The following SLC35F4 variants were observed in gnomAD, a reference collection of about 807,000 sequenced individuals.
SLC35F4 encodes chromosome 14 open reading frame 36.
In SLC35F4, 24 loss-of-function variants were observed where a neutral mutation model predicts 44.2. That is an observed-to-expected ratio of 0.54 (90% CI 0.39 to 0.76). SLC35F4 has a LOEUF of 0.76. Ranked by LOEUF, SLC35F4 falls within the 30% of genes least tolerant of loss-of-function variation. The pLI is 0.00. For synonymous variants in SLC35F4, 238 were observed against 223.6 expected, an observed-to-expected ratio of 1.06 and a Z score of -0.57; for missense variants, 562 against 586.1, an observed-to-expected ratio of 0.96 and a Z score of 0.42.
At chr14:57,662,841 G>A (rs180730889) in intron 1 of SLC35F4, among the ~76,000 whole-genome samples, 21 of 152,130 alleles carry the variant, frequency 1.4e-4, no homozygotes, top group East Asian at 3.9e-4. Flanking sequence ...TCTGAACACC[G>A]AATGAACTGT....
intron 1 of SLC35F4, among the ~76,000 whole-genome samples, chr14:57,779,460 A>G (rs941938483): frequency 1.3e-5 from 2 of 152,096 alleles, no homozygotes; most frequent in East Asian, 1.9e-4. Flanking sequence ...GAAAAGACCA[A>G]TAACAAGCTC....
intron 1 of SLC35F4, among the ~76,000 whole-genome samples, chr14:57,773,572 C>T (rs1956680): frequency 0.28 from 43,240 of 151,776 alleles, 6,749 homozygotes; most frequent in Admixed American, 0.39. Context: ...TTGGCTACAA[C>T]TTTTCCAGTG....
intron 1 of SLC35F4, among the ~76,000 whole-genome samples, chr14:57,763,567 T>C (rs2077172073): frequency 6.6e-6 from 1 of 152,180 alleles, no homozygotes; most frequent in Non-Finnish European, 1.5e-5. Context: ...ATTAAGCTGT[T>C]TTGAGGATTA....
chr14:57,966,518 T>C (rs1374617770), intron 1 of SLC35F4, among the ~76,000 whole-genome samples: 1 of 152,162 alleles, frequency 6.6e-6, no homozygotes, highest in East Asian at 1.9e-4. Context: ...ATTCTGGTTG[T>C]GAATAAATAC....
intron 1 of SLC35F4, among the ~76,000 whole-genome samples, chr14:57,711,599 A>T (rs1695352958): frequency 6.7e-6 from 1 of 148,682 alleles, no homozygotes; most frequent in Admixed American, 6.7e-5. Context: ...TGTTGAAAGA[A>T]CCACCATTTG....
chr14:57,845,632 A>T (rs1885952043), intron 1 of SLC35F4, among the ~76,000 whole-genome samples: 1 of 152,234 alleles, frequency 6.6e-6, no homozygotes, highest in Non-Finnish European at 1.5e-5. Context: ...AAGTTTTAGC[A>T]TAAGCTGAGA....
chr14:57,822,817 C>G (rs537518409), intron 1 of SLC35F4, among the ~76,000 whole-genome samples: 1 of 152,148 alleles, frequency 6.6e-6, no homozygotes, highest in African/African-American at 2.4e-5. Context: ...CTCCACCACT[C>G]TTGTGGCTTT....
intron 1 of SLC35F4, among the ~76,000 whole-genome samples, chr14:57,626,253 T>C (rs1236040033): frequency 1.4e-5 from 2 of 144,662 alleles, no homozygotes; most frequent in African/African-American, 2.5e-5. Flanking sequence ...CAAACTGCCA[T>C]GGCACATGTA....
chr14:57,920,823 A>T (rs974627726), intron 1 of SLC35F4, among the ~76,000 whole-genome samples: 4 of 152,202 alleles, frequency 2.6e-5, no homozygotes, highest in African/African-American at 9.6e-5. Flanking sequence ...TATTTGGAGG[A>T]TCCCTTCCAC....
intron 1 of SLC35F4, among the ~76,000 whole-genome samples, chr14:57,933,717 G>A (rs1023003042): frequency 6.6e-6 from 1 of 152,066 alleles, no homozygotes; most frequent in African/African-American, 2.4e-5. Flanking sequence ...AAATGAAATA[G>A]AACCAAATGG....
chr14:57,628,885 C>A (rs868540154), intron 1 of SLC35F4, among the ~76,000 whole-genome samples: 4 of 151,914 alleles, frequency 2.6e-5, no homozygotes, highest in African/African-American at 7.3e-5. Context: ...CAATTGTATA[C>A]GTAGAAATCA....
chr14:57,625,414 C>T (rs1444249142), intron 1 of SLC35F4, among the ~76,000 whole-genome samples: 4 of 152,166 alleles, frequency 2.6e-5, no homozygotes, highest in Admixed American at 1.3e-4. Flanking sequence ...CCCTATCAAG[C>T]TACCATTGAC....
intron 1 of SLC35F4, among the ~76,000 whole-genome samples, chr14:57,835,426 G>A (rs1031099857): frequency 2.0e-5 from 3 of 152,178 alleles, no homozygotes; most frequent in Non-Finnish European, 4.4e-5. Context: ...TAAATCAACA[G>A]TTTCTAACTC....
intron 1 of SLC35F4, among the ~76,000 whole-genome samples, chr14:57,780,251 T>C (rs2077584565): frequency 6.6e-6 from 1 of 152,030 alleles, no homozygotes. Flanking sequence ...GGATACAAAA[T>C]CAATGTACAA....
rs375652778 is a variant in SLC35F4 at position 57,781,150 on chromosome 14, T to C, written c.103+84573A>G. On this transcript the variant is annotated intron_variant, in intron 1 of 7. Coordinates refer to ENST00000556826, the MANE Select transcript of SLC35F4 (RefSeq NM_001306087.2). ...CAGACAACCTACAGAATGGGAGAAA[T>C]ATTTGCAAGCAATGCATCTGACAAA... Among the ~76,000 whole-genome samples, 163 of 151,958 alleles carry C rather than the reference T, an allele frequency of 1.1e-3. 1 individual carries two copies. The highest frequency in any genetic ancestry group is 3.7e-3 in the African/African-American group (153 of 41,434).
chr14:57,892,232 C>CA (rs1288531910), intron 1 of SLC35F4, among the ~76,000 whole-genome samples: 42 of 152,258 alleles, frequency 2.8e-4, no homozygotes, highest in African/African-American at 9.9e-4. Context: ...ATTGCAATTT[C>CA]ACAATGCCAT....
chr14:57,831,598 T>G (rs767136000), intron 1 of SLC35F4, among the ~76,000 whole-genome samples: 2 of 152,128 alleles, frequency 1.3e-5, no homozygotes, highest in African/African-American at 4.8e-5. Context: ...CAGTAAATAA[T>G]CTATCCTGTG....
intron 1 of SLC35F4, among the ~76,000 whole-genome samples, chr14:57,814,803 G>A (rs1000331090): frequency 2.6e-5 from 4 of 152,170 alleles, no homozygotes; most frequent in African/African-American, 7.2e-5. Flanking sequence ...GTGATGCAGC[G>A]AACATAAATT....
At chr14:57,891,599 C>G (rs1437197018) in intron 1 of SLC35F4, among the ~76,000 whole-genome samples, 4 of 152,044 alleles carry the variant, frequency 2.6e-5, no homozygotes, top group African/African-American at 9.7e-5. Context: ...TTTCTTGGGC[C>G]AGGCAAGGTG....
Sources: gnomAD v4.1 joint callset for allele counts (sites outside exome capture counted in the v4.1 genomes callset) on GRCh38, gnomAD v4.1.1 for gene constraint, MANE v1.5 for transcripts, NCBI Gene and HGNC (gene_info 2026-07-23, HGNC 2026-07-21) for gene names.